The following DMD variants were observed in gnomAD, a reference collection of about 807,000 sequenced individuals.
The protein encoded by DMD is dystrophin.
DMD carries 63 observed loss-of-function variants against 330.1 expected under a neutral mutation model. The observed-to-expected ratio is 0.19, with a 90% CI of 0.16 to 0.24. DMD has a LOEUF of 0.24. Among genes scored for constraint, DMD ranks in the 10% least tolerant of loss-of-function variants. The pLI is 1.00. For synonymous variants in DMD, 1,223 were observed against 959.8 expected (o/e 1.27, Z -5.07); for missense variants, 3,344 against 2,684.1 (o/e 1.25, Z -5.43).
At chrX:33,009,311 T>TGTGTATGTGTGTATATGTGTATATACAC (rs2093533617) in intron 2 of DMD, among the ~76,000 whole-genome samples, 2 of 62,337 alleles carry the variant, frequency 3.2e-5, no homozygotes, top group Non-Finnish European at 6.1e-5. Flanking sequence ...TATACACATG[T>TGTGTATGTGTGTATATGTGTATATACAC]GTGTATATGT....
intron 18 of DMD, chrX:32,516,719 T>C (rs1338817480): frequency 9.0e-6 from 1 of 111,665 alleles, no homozygotes; most frequent in Non-Finnish European, 1.9e-5. Flanking sequence ...CTCTAATTAA[T>C]TTTCTACTAC....
chrX:32,982,308 C>T (rs1210804438), intron 2 of DMD, among the ~76,000 whole-genome samples: 1 of 111,609 alleles, frequency 9.0e-6, no homozygotes, highest in Non-Finnish European at 1.9e-5. Context: ...GACAGATCAA[C>T]CAACCTAGCA....
intron 2 of DMD, among the ~76,000 whole-genome samples, chrX:32,893,682 G>C (rs2085435335): frequency 9.1e-6 from 1 of 110,283 alleles, no homozygotes; most frequent in Non-Finnish European, 1.9e-5. Flanking sequence ...TTTTTTTTAG[G>C]TATTTCTTCC....
chrX:32,675,165 T>C (rs938053641), intron 9 of DMD, among the ~76,000 whole-genome samples: 1 of 111,559 alleles, frequency 9.0e-6, no homozygotes, highest in African/African-American at 3.2e-5. Flanking sequence ...TCATTTTGAA[T>C]TGGTTTGCTT....
At chrX:31,316,514 A>G (rs758105786) in intron 62 of DMD, among the ~76,000 whole-genome samples, 123 of 111,743 alleles carry the variant, frequency 1.1e-3, no homozygotes, top group Non-Finnish European at 2.1e-3. Context: ...TCATGAACCT[A>G]TGAGACACAG....
intron 1 of DMD, among the ~76,000 whole-genome samples, chrX:33,065,581 CCGGTCTCA>C (rs2094642075): frequency 4.1e-5 from 4 of 98,601 alleles, no homozygotes; most frequent in Non-Finnish European, 8.1e-5. Context: ...AGATTATAAG[CCGGTCTCA>C]CAATTGGCTT....
At chrX:31,176,700 C>G (rs1386765800) in intron 71 of DMD, among the ~76,000 whole-genome samples, 2 of 111,192 alleles carry the variant, frequency 1.8e-5, no homozygotes, top group Non-Finnish European at 3.8e-5. Flanking sequence ...ACACAATTTC[C>G]AAGAGGCAGA....
intron 60 of DMD, among the ~76,000 whole-genome samples, chrX:31,433,717 C>T (rs761353373): frequency 1.8e-5 from 2 of 111,437 alleles, no homozygotes; most frequent in African/African-American, 6.5e-5. Flanking sequence ...CCTCGACCTC[C>T]CAAAGTGCTG....
intron 12 of DMD, among the ~76,000 whole-genome samples, chrX:32,604,305 G>A (rs776706791): frequency 2.7e-4 from 30 of 110,343 alleles, no homozygotes; most frequent in Non-Finnish European, 5.3e-4. Context: ...AAAAACATAT[G>A]ATCATCTCAA....
chrX:32,809,939 AAAAAAAAG>A (rs1361463690), intron 6 of DMD, among the ~76,000 whole-genome samples: 2 of 91,344 alleles, frequency 2.2e-5, no homozygotes, highest in African/African-American at 8.5e-5. Flanking sequence ...AAAAAAAAAA[AAAAAAAAG>A]AAAGAAAGAA....
At chrX:32,344,578 C>T (rs1313203720) in intron 39 of DMD, among the ~76,000 whole-genome samples, 1 of 111,090 alleles carries the variant, frequency 9.0e-6, no homozygotes, top group Non-Finnish European at 1.9e-5. Context: ...GATACAGCCA[C>T]GTGAATTAGA....
chrX:31,316,064 A>G (rs1215382864), intron 62 of DMD, among the ~76,000 whole-genome samples: 4 of 112,059 alleles, frequency 3.6e-5, no homozygotes, highest in Non-Finnish European at 7.5e-5. Context: ...TATACTCCTT[A>G]TCATATTGTT....
chrX:32,204,143 T>G (rs2097053501), intron 44 of DMD, among the ~76,000 whole-genome samples: 1 of 111,775 alleles, frequency 8.9e-6, no homozygotes, highest in Non-Finnish European at 1.9e-5. Context: ...GGCAGAGCAG[T>G]GACTTAATGT....
At chrX:32,955,233 C>A in intron 2 of DMD, among the ~76,000 whole-genome samples, 1 of 111,507 alleles carries the variant, frequency 9.0e-6, no homozygotes, top group Non-Finnish European at 1.9e-5. Flanking sequence ...TAATAGCCGT[C>A]CTGACTGGTG....
At chrX:32,626,741 C>T (rs2058368708) in intron 11 of DMD, among the ~76,000 whole-genome samples, 1 of 103,896 alleles carries the variant, frequency 9.6e-6, no homozygotes, top group African/African-American at 4.1e-5. Flanking sequence ...AGCAAACCAA[C>T]ATGGCACATG....
chrX:32,877,331 A>G (rs1413071567), intron 2 of DMD, among the ~76,000 whole-genome samples: 3 of 112,661 alleles, frequency 2.7e-5, no homozygotes, highest in African/African-American at 9.7e-5. Context: ...TTGGAAAACT[A>G]TTTTGTTCCG....
chrX:33,019,579 T>A (rs2093873901), intron 2 of DMD, among the ~76,000 whole-genome samples: 1 of 111,605 alleles, frequency 9.0e-6, no homozygotes, highest in Non-Finnish European at 1.9e-5. Flanking sequence ...CCTATAATCA[T>A]CTAGAGTCAC....
chrX:32,655,661 G>T (rs1177498572), intron 9 of DMD, among the ~76,000 whole-genome samples: 1 of 111,900 alleles, frequency 8.9e-6, no homozygotes, highest in Non-Finnish European at 1.9e-5. Flanking sequence ...AGGTCCGCTT[G>T]TTGCAGAGCT....
chrX:32,137,694 C>T (rs1487842196), intron 44 of DMD, among the ~76,000 whole-genome samples: 1 of 110,021 alleles, frequency 9.1e-6, no homozygotes, highest in Non-Finnish European at 1.9e-5. Context: ...TGATGAAAAG[C>T]AAAGTTTTTG....
Sources: allele counts gnomAD v4.1 joint callset (sites outside exome capture counted in the v4.1 genomes callset), GRCh38; gene constraint gnomAD v4.1.1; transcripts MANE v1.5; gene names NCBI Gene and HGNC (gene_info 2026-07-23, HGNC 2026-07-21).